Variants in ATN1 observed in about 807,000 individuals in gnomAD.
ATN1 encodes atrophin 1.
A neutral mutation model predicts 85.8 loss-of-function variants in ATN1; 19 were observed. The observed-to-expected ratio is 0.22, with a 90% CI of 0.15 to 0.32. The LOEUF is 0.32. Among genes scored for constraint, ATN1 ranks in the 10% least tolerant of loss-of-function variants. The pLI is 1.00. For missense variants in ATN1, 1,453 were observed against 1,564.5 expected (o/e 0.93, Z 1.20); for synonymous variants, 674 against 657.0 (o/e 1.03, Z -0.39).
In ATN1 at chr12:6,936,847, C is replaced by T; in HGVS notation, c.1580C>T (p.Ala527Val). The T allele has an allele frequency of 6.2e-7, 1 of 1,614,040 alleles. No individual in the cohort carries two copies. Among genetic ancestry groups the T allele is most frequent in the East Asian group, 2.2e-5 (1 of 44,862 alleles). ...HPLEGGSSHH[A>V]HPYAMSPSLG... is the part of the protein sequence containing the mutation. Reference sequence around the variant, plus strand: ...CTGGAGGGCGGTAGCTCCCACCACGCACACCCTTACGCCATGTCTCCCTCC... The same window carrying T: ...CTGGAGGGCGGTAGCTCCCACCACGTACACCCTTACGCCATGTCTCCCTCC... The change falls in exon 5 of 10, where the codon GCA (alanine) becomes GTA (valine). Residue 527 changes from alanine to valine, a missense_variant. Coordinates refer to ENST00000396684, the MANE Select transcript of ATN1 (RefSeq NM_001940.4).
chr12:6,938,055 T>G lies in ATN1; in HGVS notation c.2505T>G (p.Leu835=). 1 of 1,544,388 alleles carries G rather than the reference T, an allele frequency of 6.5e-7. No individual in the cohort carries two copies. Among genetic ancestry groups the G allele is most frequent in the East Asian group, 2.5e-5 (1 of 40,806 alleles). ...KEREREKERE[L]ERSVKLAQEG... is the part of the protein sequence containing the mutation. ...GCGAGCGCGAGAAGGAGCGCGAGCTTGAACGCAGCGTGGTGAGTGCGTCAC... is the reference window on the plus strand; with the variant it reads ...GCGAGCGCGAGAAGGAGCGCGAGCTGGAACGCAGCGTGGTGAGTGCGTCAC... The change falls in exon 6 of 10, where the codon CTT becomes CTG. Residue 835 remains leucine, a synonymous_variant. Transcript: ENST00000396684.
chr12:6,937,673 G>A lies in ATN1; in HGVS notation c.2294+112G>A. ...TGCGCTGGTGTAGTGTTTTAGAAAA[G>A]CACGCCCCTCTCCTCCGTCCAGGCC... On this transcript the variant is annotated intron_variant, in intron 5 of 9. Coordinates refer to ENST00000396684, the MANE Select transcript of ATN1 (RefSeq NM_001940.4). The surrounding 1 kb of genome is among the most constrained non-coding windows in gnomAD (Gnocchi z 6.0). 2 of 1,427,984 alleles carry A rather than the reference G, an allele frequency of 1.4e-6. No individual in the cohort carries two copies. Among genetic ancestry groups the A allele is most frequent in the Non-Finnish European group, 1.8e-6 (2 of 1,088,878 alleles). 88.5% of individuals were successfully genotyped at this position (1,427,984 alleles called of 1,614,324 possible). A position where few individuals can be genotyped will look rare whatever the true frequency, so the allele number is the denominator to read the frequency against.
At chr12:6,931,394 A>G (rs1395654099) in intron 1 of ATN1, among the ~76,000 whole-genome samples, 2 of 142,522 alleles carry the variant, frequency 1.4e-5, no homozygotes, top group Non-Finnish European at 1.5e-5. Flanking sequence ...AAAATGTGGG[A>G]AAATAGCTGT....
rs371267341 is a variant in ATN1, at chr12:6,935,787, A to C, written c.520A>C (p.Ser174Arg). The change falls in exon 5 of 10, where the codon AGC becomes CGC. Residue 174 changes from serine (S) to arginine (R), a missense_variant. This residue lies in a region of ATN1 where 990 missense variants were observed against 914.8 expected (regional missense o/e 1.08). Transcript: ENST00000396684. This position sits in a 1 kb window ranked among gnomAD's most constrained non-coding sequence, Gnocchi z 5.3. ...TCCTCCTTCCCCTCAACCGCCAGAC[A>C]GCACCCCTCGACAGCCAGAGGCTAG... ...LFPPSPQPPDSTPRQPEASFE... is the reference protein window; with the variant it reads ...LFPPSPQPPDRTPRQPEASFE... 1 of 1,613,328 alleles carries C rather than the reference A, an allele frequency of 6.2e-7. No homozygotes were observed. Among genetic ancestry groups the C allele is most frequent in the Admixed American group, 1.7e-5 (1 of 59,966 alleles).
Position 6,937,975 on chromosome 12 carries a change from CAGCGCGCGCGCGAAGAAAAGG to C in ATN1, c.2432_2452del (p.Ala811_Arg817del). 1.3e-6 allele frequency: 2 copies of C among 1,555,338 alleles called. No homozygotes were observed. The highest frequency in any genetic ancestry group is 1.7e-6 in the Non-Finnish European group (2 of 1,150,294). The stretch of plus-strand genomic sequence containing the variant: ...GGAGAAGGTGCGGCGCGAGGCCGAG[CAGCGCGCGCGCGAAGAAAAGG>C]AGCGCGAGCGCGAGCGGGAACGCGA... On this transcript the variant is annotated inframe_deletion, in exon 6 of 10. Transcript: ENST00000396684. This position sits in a 1 kb window ranked among gnomAD's most constrained non-coding sequence, Gnocchi z 6.0.
Position 6,937,856 on chromosome 12 carries a change from A to G in ATN1, c.2306A>G (p.His769Arg). 1 of 1,577,748 alleles carries G rather than the reference A, an allele frequency of 6.3e-7. No individual in the cohort carries two copies. ...TCCACGCCCGGCAGGTTCAACAAACACCTGGATCGCGGCTTCAACTCGTGC... is the reference window on the plus strand; with the variant it reads ...TCCACGCCCGGCAGGTTCAACAAACGCCTGGATCGCGGCTTCAACTCGTGC... ...HASQSARFNK[H>R]LDRGFNSCAR... The change falls in exon 6 of 10, where the codon CAC becomes CGC. Residue 769 changes from histidine (H) to arginine (R), a missense_variant. Around this residue, in one of 6 missense-constraint regions of ATN1, gnomAD observed 990 missense variants for 914.8 expected, o/e 1.08. Coordinates refer to ENST00000396684, the MANE Select transcript of ATN1 (RefSeq NM_001940.4). This position sits in a 1 kb window ranked among gnomAD's most constrained non-coding sequence, Gnocchi z 6.0.
chr12:6,937,677 GC>G lies in ATN1; in HGVS notation c.2294+120del, dbSNP rs1945568727. On this transcript the variant is annotated intron_variant, in intron 5 of 9. Coordinates refer to ENST00000396684, the MANE Select transcript of ATN1 (RefSeq NM_001940.4). The surrounding 1 kb of genome is among the most constrained non-coding windows in gnomAD (Gnocchi z 6.0). ...CTGGTGTAGTGTTTTAGAAAAGCAC[GC>G]CCCTCTCCTCCGTCCAGGCCTAGTG... 7.0e-7 allele frequency: 1 copy of G among 1,427,384 alleles called. No homozygotes were observed. Among genetic ancestry groups the G allele is most frequent in the Non-Finnish European group, 9.2e-7 (1 of 1,088,430 alleles). The allele number at this position is 1,427,384 out of a possible 1,614,324, so 88.4% of individuals were successfully genotyped here.
At position 6,941,804 on chromosome 12, in the gene ATN1, T is replaced by C. The variant is rs1555144726; in HGVS notation, c.*24T>C. The C allele has an allele frequency of 1.9e-6, 3 of 1,613,354 alleles. No homozygotes were observed. The highest frequency in any genetic ancestry group is 2.5e-6 in the Non-Finnish European group (3 of 1,179,318). On this transcript the variant is annotated 3_prime_UTR_variant, in exon 10 of 10. Transcript: ENST00000396684. The surrounding 1 kb of genome is among the most constrained non-coding windows in gnomAD (Gnocchi z 5.9). The stretch of plus-strand genomic sequence containing the variant: ...AGAACCTGCGATCAAGAGAGCACCA[T>C]GGCTCCTACATTGGACCTTGGAGCA...
Position 6,935,531 on chromosome 12 carries a change from C to A in ATN1, c.280-16C>A, listed in dbSNP as rs782117878. 6.2e-7 allele frequency: 1 copy of A among 1,601,314 alleles called. No homozygotes were observed. Among genetic ancestry groups the A allele is most frequent in the Non-Finnish European group, 8.5e-7 (1 of 1,172,204 alleles). ...GGAAAGGAAAAGAGAAAAAATGAGT[C>A]TTCCCTTTTCTACAGCAGGAACTCC... On this transcript the variant is annotated splice_polypyrimidine_tract_variant and intron_variant, in intron 4 of 9. Coordinates refer to ENST00000396684, the MANE Select transcript of ATN1 (RefSeq NM_001940.4). The surrounding 1 kb of genome is among the most constrained non-coding windows in gnomAD (Gnocchi z 5.3).
intron 1 of ATN1, among the ~76,000 whole-genome samples, chr12:6,929,721 G>T (rs1945438022): frequency 6.6e-6 from 1 of 152,166 alleles, no homozygotes; most frequent in Non-Finnish European, 1.5e-5. Context: ...GCAGATCATA[G>T]GTGTTTCTCC....
upstream of ATN1, among the ~76,000 whole-genome samples, chr12:6,927,043 CCTT>C (rs1242828245): frequency 3.3e-5 from 5 of 151,898 alleles, no homozygotes; most frequent in Non-Finnish European, 7.4e-5. Flanking sequence ...CTCGTTCATC[CCTT>C]CTTAAGGTTC....
At position 6,934,709 on chromosome 12, in the gene ATN1, G is replaced by A. The variant is rs1021670904; in HGVS notation, c.279+131G>A. 11 of 691,522 alleles carry A rather than the reference G, an allele frequency of 1.6e-5. No homozygotes were observed. The Admixed American group carries it at 2.5e-4, about 15-fold the overall frequency. The allele number at this position is 691,522 out of a possible 1,614,324, so 42.8% of individuals were successfully genotyped here. A position where few individuals can be genotyped will look rare whatever the true frequency, so the allele number is the denominator to read the frequency against. On this transcript the variant is annotated intron_variant, in intron 4 of 9. Transcript: ENST00000396684. The surrounding 1 kb of genome is among the most constrained non-coding windows in gnomAD (Gnocchi z 4.5). ...AGGCCAGATCATAGTGCTTATGAGA[G>A]CAGTTCTGTCTATAATATGCCAGAG...
At position 6,934,530 on chromosome 12, in the gene ATN1, A is replaced by C; in HGVS notation, c.231A>C (p.Ser77=). The change falls in exon 4 of 10, where the codon TCA becomes TCC. Residue 77 remains serine, a synonymous_variant. Transcript: ENST00000396684. The surrounding 1 kb of genome is among the most constrained non-coding windows in gnomAD (Gnocchi z 4.5). Reference sequence around the variant, plus strand: ...AGCAGGGTCGGAGTGAGGAGATCTCAGAGAGTGAAAGTGAGGAGACCAATG... The same window carrying C: ...AGCAGGGTCGGAGTGAGGAGATCTCCGAGAGTGAAAGTGAGGAGACCAATG... ...VNKQGRSEEI[S]ESESEETNAP... 1 of 1,579,198 alleles carries C rather than the reference A, an allele frequency of 6.3e-7. No individual in the cohort carries two copies. Among genetic ancestry groups the C allele is most frequent in the Non-Finnish European group, 8.6e-7 (1 of 1,161,782 alleles).
At position 6,935,326 on chromosome 12, in the gene ATN1, G is replaced by A. The variant is rs1163284862; in HGVS notation, c.280-221G>A. Reference sequence around the variant, plus strand: ...AGATGGATCCTTGAGGAAGGAATAGGGTTTTACAGGCGGGAAACAAGACTG... The same window carrying A: ...AGATGGATCCTTGAGGAAGGAATAGAGTTTTACAGGCGGGAAACAAGACTG... On this transcript the variant is annotated intron_variant, in intron 4 of 9. Transcript: ENST00000396684. This position sits in a 1 kb window ranked among gnomAD's most constrained non-coding sequence, Gnocchi z 5.3. Among the ~76,000 whole-genome samples, 2 of 152,056 alleles carry A rather than the reference G, an allele frequency of 1.3e-5. No individual in the cohort carries two copies. Among genetic ancestry groups the A allele is most frequent in the African/African-American group, 4.8e-5 (2 of 41,374 alleles).
Position 6,941,312 on chromosome 12 carries a change from C to T in ATN1, c.3359-62C>T. The T allele has an allele frequency of 6.6e-7, 1 of 1,519,836 alleles. No individual in the cohort carries two copies. 94.1% of individuals were successfully genotyped at this position (1,519,836 alleles called of 1,614,324 possible). A position where few individuals can be genotyped will look rare whatever the true frequency, so the allele number is the denominator to read the frequency against. On this transcript the variant is annotated intron_variant, in intron 8 of 9. Transcript: ENST00000396684. This position sits in a 1 kb window ranked among gnomAD's most constrained non-coding sequence, Gnocchi z 5.9. ...TGTATGTAAAGGAGCTGGCTATCCC[C>T]TGGTCCAGAGCAGGTACTTGTTATC...
rs782600678 is a variant in ATN1 at position 6,936,731 on chromosome 12, G to GCAA, written c.1466_1467insACA (p.Gln502dup). 12 of 487,392 alleles carry GCAA rather than the reference G, an allele frequency of 2.5e-5. No homozygotes were observed. Among genetic ancestry groups the GCAA allele is most frequent in the Admixed American group, 5.3e-5 (1 of 18,942 alleles). The allele number at this position is 487,392 out of a possible 1,614,324, so 30.2% of individuals were successfully genotyped here. On this transcript the variant is annotated inframe_insertion, in exon 5 of 10. Coordinates refer to ENST00000396684, the MANE Select transcript of ATN1 (RefSeq NM_001940.4). Reference sequence around the variant, plus strand: ...ACCATCACCACCAGCAACAGCAACAGCAGCAGCAGCAGCAGCAGCAGCAGC... The same window carrying GCAA: ...ACCATCACCACCAGCAACAGCAACAGCAACAGCAGCAGCAGCAGCAGCAGCAGC...
In ATN1 at chr12:6,937,986, C is replaced by G; in HGVS notation, c.2436C>G (p.Arg812=). The G allele has an allele frequency of 1.9e-6, 3 of 1,549,796 alleles. No individual in the cohort carries two copies. The highest frequency in any genetic ancestry group is 2.6e-6 in the Non-Finnish European group (3 of 1,146,838). ...KVRREAEQRA[R]EEKERERERE... Reference sequence around the variant, plus strand: ...GGCGCGAGGCCGAGCAGCGCGCGCGCGAAGAAAAGGAGCGCGAGCGCGAGC... The same window carrying G: ...GGCGCGAGGCCGAGCAGCGCGCGCGGGAAGAAAAGGAGCGCGAGCGCGAGC... Residue 812 remains arginine (R), a synonymous_variant, in exon 6 of 10, where the codon CGC becomes CGG. Transcript: ENST00000396684. The surrounding 1 kb of genome is among the most constrained non-coding windows in gnomAD (Gnocchi z 6.0).
In ATN1 at chr12:6,941,956, G is replaced by A. The variant is rs753349625; in HGVS notation, c.*176G>A. On this transcript the variant is annotated 3_prime_UTR_variant, in exon 10 of 10. Transcript: ENST00000396684. This position sits in a 1 kb window ranked among gnomAD's most constrained non-coding sequence, Gnocchi z 5.9. Reference sequence around the variant, plus strand: ...AGGGACAGACAGAAGGCCAAGGCCCGATGTGGTGTGCAGAGGTGGGGAGGT... The same window carrying A: ...AGGGACAGACAGAAGGCCAAGGCCCAATGTGGTGTGCAGAGGTGGGGAGGT... 1.2e-5 allele frequency: 8 copies of A among 659,674 alleles called. No individual in the cohort carries two copies. The highest frequency in any genetic ancestry group is 8.6e-5 in the South Asian group (5 of 57,956). 40.9% of individuals were successfully genotyped at this position (659,674 alleles called of 1,614,324 possible).
At position 6,936,800 on chromosome 12, in the gene ATN1, T is replaced by A. The variant is rs1945546907; in HGVS notation, c.1533T>A (p.Pro511=). The change falls in exon 5 of 10, where the codon CCT becomes CCA. Residue 511 remains proline (P), a synonymous_variant. Coordinates refer to ENST00000396684, the MANE Select transcript of ATN1 (RefSeq NM_001940.4). ...QQHHGNSGPP[P]PGAFPHPLEG... ...ATCACGGAAACTCTGGGCCCCCTCC[T>A]CCTGGAGCATTTCCCCACCCACTGG... 22 of 1,611,530 alleles carry A rather than the reference T, an allele frequency of 1.4e-5. No homozygotes were observed. The highest frequency in any genetic ancestry group is 1.9e-5 in the Non-Finnish European group (22 of 1,178,972).
Sources: gnomAD v4.1 joint callset for allele counts (sites outside exome capture counted in the v4.1 genomes callset) on GRCh38, gnomAD v4.1.1 for gene constraint, gnomAD v4.1.1 regional missense constraint, Gnocchi (gnomAD v3.1) non-coding constraint, MANE v1.5 for transcripts, NCBI Gene and HGNC (gene_info 2026-07-23, HGNC 2026-07-21) for gene names.